The following CLASP1 variants were observed in gnomAD, a reference collection of about 807,000 sequenced individuals.
CLASP1 encodes the protein cytoplasmic linker associated protein 1, also known as CLIP-associating protein 1.
Under a neutral mutation model 192.3 loss-of-function variants are expected in CLASP1, and 38 were observed. That is an observed-to-expected ratio of 0.20 (90% CI 0.15 to 0.26). CLASP1 has a LOEUF of 0.26. Among genes scored for constraint, CLASP1 ranks in the 10% least tolerant of loss-of-function variants. The pLI is 1.00. For missense variants in CLASP1, 1,433 were observed against 1,932.5 expected (o/e 0.74, Z 4.85); for synonymous variants, 691 against 712.8 (o/e 0.97, Z 0.49).
intron 8 of CLASP1, among the ~76,000 whole-genome samples, chr2:121,497,861 A>G (rs1328256853): frequency 1.3e-5 from 2 of 152,098 alleles, no homozygotes; most frequent in Non-Finnish European, 2.9e-5. Flanking sequence ...CTAGGACTAC[A>G]GGCGCCCACC....
chr2:121,550,289 A>G (rs1168698322), intron 2 of CLASP1, among the ~76,000 whole-genome samples: 1 of 152,196 alleles, frequency 6.6e-6, no homozygotes, highest in African/African-American at 2.4e-5. Flanking sequence ...TGCCAACATA[A>G]AAAGAAAGAT....
chr2:121,591,363 T>C lies in CLASP1; in HGVS notation c.195+14338A>G, dbSNP rs1017691201. On this transcript the variant is annotated intron_variant, in intron 2 of 39. Transcript: ENST00000263710. Reference sequence around the variant, plus strand: ...CACACTAATACCAAAAACCACTAGGTTGTCCTCCTCCCTAATGACATTACT... The same window carrying C: ...CACACTAATACCAAAAACCACTAGGCTGTCCTCCTCCCTAATGACATTACT... Among the ~76,000 whole-genome samples the C allele has an allele frequency of 2.0e-5, 3 of 152,202 alleles. No individual in the cohort carries two copies. In the South Asian group the frequency reaches 6.2e-4, roughly 32 times the overall value.
At chr2:121,478,992 C>CCACACACACACCACACACACACACCA (rs1174942601) in intron 8 of CLASP1, among the ~76,000 whole-genome samples, 3 of 63,372 alleles carry the variant, frequency 4.7e-5, no homozygotes, top group Admixed American at 4.7e-4. Context: ...ACCACACACC[C>CCACACACACACCACACACACACACCA]CACACACACA....
At chr2:121,403,874 G>A (rs2076512938) in intron 26 of CLASP1, 2 of 449,560 alleles carry the variant, frequency 4.4e-6, no homozygotes, top group South Asian at 1.6e-5. Context: ...CAAATTCTTG[G>A]TAACAGCAAA....
rs2058270517 is a variant in CLASP1 at position 121,553,871 on chromosome 2, T to A, written c.196-23546A>T. ...AAAGCAGAAATAGGCCAAATGTCCA[T>A]CAAATTATGAATGGATAAACAAAAT... On this transcript the variant is annotated intron_variant, in intron 2 of 39. Transcript: ENST00000263710. Among the ~76,000 whole-genome samples, 3 of 152,092 alleles carry A rather than the reference T, an allele frequency of 2.0e-5. No homozygotes were observed. In the South Asian group the frequency reaches 6.2e-4, roughly 32 times the overall value.
intron 8 of CLASP1, among the ~76,000 whole-genome samples, chr2:121,494,207 A>G (rs2093436529): frequency 6.6e-6 from 1 of 152,278 alleles, no homozygotes; most frequent in African/African-American, 2.4e-5. Context: ...CTAAGTGTCC[A>G]TCAACAGGAG....
chr2:121,393,446 T>C (rs2074720588), intron 30 of CLASP1, among the ~76,000 whole-genome samples: 1 of 152,240 alleles, frequency 6.6e-6, no homozygotes, highest in South Asian at 2.1e-4. Flanking sequence ...TTAAATGATC[T>C]AGATAAGAAT....
At chr2:121,360,984 A>T (rs1391750387) in intron 37 of CLASP1, among the ~76,000 whole-genome samples, 2 of 152,376 alleles carry the variant, frequency 1.3e-5, no homozygotes, top group East Asian at 3.9e-4. Flanking sequence ...AAATCTCCCA[A>T]GAAAAAAGCA....
chr2:121,628,042 G>A (rs190791842), intron 1 of CLASP1, among the ~76,000 whole-genome samples: 30 of 152,230 alleles, frequency 2.0e-4, no homozygotes, highest in Admixed American at 9.2e-4. Context: ...CTTTAAGTCT[G>A]TACTTTACTA....
At chr2:121,477,934 GATGCTTAGGA>G (rs1338360914) in intron 8 of CLASP1, among the ~76,000 whole-genome samples, 1 of 152,190 alleles carries the variant, frequency 6.6e-6, no homozygotes, top group African/African-American at 2.4e-5. Context: ...CCCATAAGCT[GATGCTTAGGA>G]GGTGCTGGGC....
At chr2:121,526,404 T>C (rs951282513) in intron 5 of CLASP1, among the ~76,000 whole-genome samples, 4 of 152,208 alleles carry the variant, frequency 2.6e-5, no homozygotes, top group Admixed American at 2.0e-4. Context: ...CTGAGCCAAG[T>C]ACTGCCCTAC....
intron 2 of CLASP1, among the ~76,000 whole-genome samples, chr2:121,574,649 A>C (rs1362893055): frequency 4.7e-4 from 71 of 149,502 alleles, no homozygotes; most frequent in Middle Eastern, 3.5e-3. Flanking sequence ...AAAAAAAAAA[A>C]AAACAAAAAC....
intron 21 of CLASP1, among the ~76,000 whole-genome samples, chr2:121,425,903 T>C (rs2080288215): frequency 6.6e-6 from 1 of 152,204 alleles, no homozygotes; most frequent in African/African-American, 2.4e-5. Flanking sequence ...CCCAGCACTT[T>C]GGGAGGCCAA....
exon 33 of CLASP1, chr2:121,382,322 C>T (rs1446056263): frequency 3.2e-6 from 5 of 1,552,216 alleles, no homozygotes; most frequent in Non-Finnish European, 4.3e-6. Context: ...ACCCCATAAC[C>T]GACTGCAGTG....
intron 8 of CLASP1, among the ~76,000 whole-genome samples, chr2:121,482,069 C>T (rs905184008): frequency 5.9e-5 from 9 of 152,198 alleles, no homozygotes; most frequent in African/African-American, 2.2e-4. Flanking sequence ...TACGTGGGTC[C>T]ATTTAACATT....
intron 1 of CLASP1, among the ~76,000 whole-genome samples, chr2:121,642,412 A>AG (rs758658677): frequency 1.2e-3 from 177 of 150,272 alleles, no homozygotes; most frequent in Non-Finnish European, 2.1e-3. Flanking sequence ...AAAAAAAAAA[A>AG]AAAAAAGAAA....
intron 20 of CLASP1, among the ~76,000 whole-genome samples, chr2:121,427,929 A>G (rs1258616982): frequency 6.6e-6 from 1 of 152,218 alleles, no homozygotes; most frequent in African/African-American, 2.4e-5. Context: ...AGGACTATGA[A>G]TACTAGTATA....
intron 24 of CLASP1, among the ~76,000 whole-genome samples, chr2:121,408,643 A>G (rs1054988949): frequency 1.3e-5 from 2 of 152,180 alleles, no homozygotes; most frequent in African/African-American, 2.4e-5. Context: ...TTTAATCTCA[A>G]AAGCATTTTT....
At chr2:121,383,392 AC>A (rs2072251519) in intron 32 of CLASP1, among the ~76,000 whole-genome samples, 1 of 152,212 alleles carries the variant, frequency 6.6e-6, no homozygotes, top group Admixed American at 6.5e-5. Context: ...TGTGTGGGGC[AC>A]ACACTGGGTC....
Sources: allele counts gnomAD v4.1 joint callset (sites outside exome capture counted in the v4.1 genomes callset), GRCh38; gene constraint gnomAD v4.1.1; transcripts MANE v1.5; gene names NCBI Gene and HGNC (gene_info 2026-07-23, HGNC 2026-07-21).